Variants in GRIK2 observed in about 807,000 individuals in gnomAD.
GRIK2 encodes glutamate ionotropic receptor kainate type subunit 2.
Under a neutral mutation model 100.3 loss-of-function variants are expected in GRIK2, and 32 were observed. That is an observed-to-expected ratio of 0.32 (90% CI 0.24 to 0.43). The LOEUF (loss-of-function observed/expected upper bound fraction) is 0.43, where lower values mean the gene tolerates loss of function less well. Among genes scored for constraint, GRIK2 ranks in the 20% least tolerant of loss-of-function variants. The probability of loss-of-function intolerance (pLI) is 1.00; values close to 1 mark genes in which losing one functional copy is unlikely to be tolerated. For synonymous variants in GRIK2, 417 were observed against 389.4 expected, an observed-to-expected ratio of 1.07 and a Z score of -0.83; for missense variants, 843 against 1,114.9, an observed-to-expected ratio of 0.76 and a Z score of 3.47.
chr6:101,829,717 A>G (rs1782557005), intron 10 of GRIK2, among the ~76,000 whole-genome samples: 1 of 151,924 alleles, frequency 6.6e-6, no homozygotes, highest in African/African-American at 2.4e-5. Context: ...GAGGAGCACT[A>G]AAGACAAAAC....
intron 2 of GRIK2, among the ~76,000 whole-genome samples, chr6:101,490,531 C>A (rs1313104308): frequency 1.0e-4 from 15 of 146,668 alleles, no homozygotes; most frequent in Admixed American, 1.0e-3. Flanking sequence ...GGGACTTTAG[C>A]TTCACTCAGA....
rs553612858 is a variant in GRIK2 at position 102,068,891 on chromosome 6, T to C, written c.*380T>C. 1.2e-5 allele frequency: 2 copies of C among 172,656 alleles called. No individual in the cohort carries two copies. The highest frequency in any genetic ancestry group is 3.3e-4 in the East Asian group (2 of 5,990). 10.7% of individuals were successfully genotyped at this position (172,656 alleles called of 1,614,324 possible). On this transcript the variant is annotated 3_prime_UTR_variant, in exon 17 of 17. Transcript: ENST00000369134. ...ACAGGGCAACCAATAAAAGTGTCACTAAGAATATAAATATTTGGAATCAGC... is the reference window on the plus strand; with the variant it reads ...ACAGGGCAACCAATAAAAGTGTCACCAAGAATATAAATATTTGGAATCAGC...
chr6:101,961,752 A>T (rs1227344738), intron 14 of GRIK2, among the ~76,000 whole-genome samples: 1 of 152,040 alleles, frequency 6.6e-6, no homozygotes, highest in Non-Finnish European at 1.5e-5. Context: ...GCTCACCCTG[A>T]ACGTTAGAAT....
chr6:101,966,937 T>A (rs1792715615), intron 14 of GRIK2, among the ~76,000 whole-genome samples: 1 of 152,064 alleles, frequency 6.6e-6, no homozygotes, highest in Non-Finnish European at 1.5e-5. Context: ...TATAGTGTTT[T>A]ATTGTGATAT....
At chr6:101,434,448 A>G (rs1769601936) in intron 2 of GRIK2, among the ~76,000 whole-genome samples, 1 of 152,150 alleles carries the variant, frequency 6.6e-6, no homozygotes. Context: ...GATTCAGTGA[A>G]CAGAATTTCT....
At chr6:101,425,357 C>A (rs1306064834) in intron 2 of GRIK2, among the ~76,000 whole-genome samples, 2 of 152,106 alleles carry the variant, frequency 1.3e-5, no homozygotes, top group African/African-American at 2.4e-5. Flanking sequence ...CTACTGTTGA[C>A]TAGCACTCTG....
At chr6:101,420,526 G>A (rs1776363427) in intron 2 of GRIK2, among the ~76,000 whole-genome samples, 1 of 152,134 alleles carries the variant, frequency 6.6e-6, no homozygotes, top group Non-Finnish European at 1.5e-5. Flanking sequence ...CAGGGAAGTT[G>A]TTAGATATAC....
At chr6:101,723,675 A>C (rs1357860819) in intron 7 of GRIK2, among the ~76,000 whole-genome samples, 2 of 152,034 alleles carry the variant, frequency 1.3e-5, no homozygotes, top group Non-Finnish European at 2.9e-5. Context: ...AAACTGGTTA[A>C]TGAATAAATA....
At chr6:101,499,587 A>G (rs1450524910) in intron 2 of GRIK2, among the ~76,000 whole-genome samples, 10 of 152,056 alleles carry the variant, frequency 6.6e-5, no homozygotes, top group African/African-American at 2.4e-4. Context: ...TTCCTTTTGG[A>G]GAAAGTTAAG....
At position 101,664,617 on chromosome 6, in the gene GRIK2, CT is replaced by C. The variant is rs930133368; in HGVS notation, c.542-11999del. 4.1e-4 allele frequency among the ~76,000 whole-genome samples: 62 copies of C among 152,298 alleles called. 1 individual carries two copies. Among genetic ancestry groups the C allele is most frequent in the African/African-American group, 1.5e-3 (62 of 41,568 alleles). The stretch of plus-strand genomic sequence containing the variant: ...TTACTTTTTGATAATGGCATAATTG[CT>C]TTTTTTCATATCAGTGAAAGCAGAA... On this transcript the variant is annotated intron_variant, in intron 4 of 16. Coordinates refer to ENST00000369134, the MANE Select transcript of GRIK2 (RefSeq NM_021956.5).
At chr6:101,441,294 C>G (rs920337152) in intron 2 of GRIK2, among the ~76,000 whole-genome samples, 2 of 152,058 alleles carry the variant, frequency 1.3e-5, no homozygotes, top group African/African-American at 4.8e-5. Flanking sequence ...AGGGAATAGG[C>G]CCTACCAGAC....
chr6:101,757,260 CAAAT>C (rs1051084171), intron 7 of GRIK2, among the ~76,000 whole-genome samples: 3 of 151,974 alleles, frequency 2.0e-5, no homozygotes, highest in Non-Finnish European at 2.9e-5. Context: ...AACCATTTTA[CAAAT>C]AAATCAATTA....
chr6:101,925,279 C>CA (rs1789815222), intron 13 of GRIK2, among the ~76,000 whole-genome samples: 1 of 151,900 alleles, frequency 6.6e-6, no homozygotes, highest in Non-Finnish European at 1.5e-5. Flanking sequence ...GAAGTGCATG[C>CA]AAAAATACTT....
rs144015577 is a variant in GRIK2, at chr6:101,487,599, C to T, written c.115+88207C>T. 2.0e-3 allele frequency among the ~76,000 whole-genome samples: 292 copies of T among 146,862 alleles called. 39 individuals are homozygous for T. Among genetic ancestry groups the T allele is most frequent in the African/African-American group, 6.8e-3 (265 of 38,714 alleles). Reference sequence around the variant, plus strand: ...AACAAACTACTGGAAAAACACAGTGCGACTTGCATATACAGTAGTACACAA... The same window carrying T: ...AACAAACTACTGGAAAAACACAGTGTGACTTGCATATACAGTAGTACACAA... On this transcript the variant is annotated intron_variant, in intron 2 of 16. Coordinates refer to ENST00000369134, the MANE Select transcript of GRIK2 (RefSeq NM_021956.5).
chr6:102,020,083 G>C (rs1481621713), intron 14 of GRIK2, among the ~76,000 whole-genome samples: 1 of 151,918 alleles, frequency 6.6e-6, no homozygotes, highest in Non-Finnish European at 1.5e-5. Context: ...AAATAATGTA[G>C]AGTCCTTACA....
At chr6:102,053,701 AGATG>A (rs1291063061) in intron 15 of GRIK2, among the ~76,000 whole-genome samples, 14 of 152,090 alleles carry the variant, frequency 9.2e-5, no homozygotes, top group Non-Finnish European at 1.8e-4. Flanking sequence ...TATATCTGTT[AGATG>A]GATGGATGGA....
chr6:101,716,686 A>T (rs1315366791), intron 7 of GRIK2, among the ~76,000 whole-genome samples: 1 of 151,622 alleles, frequency 6.6e-6, no homozygotes. Context: ...CCAACATGGC[A>T]CATGTATACA....
intron 2 of GRIK2, among the ~76,000 whole-genome samples, chr6:101,501,813 C>A (rs1429695804): frequency 6.6e-6 from 1 of 151,952 alleles, no homozygotes; most frequent in Non-Finnish European, 1.5e-5. Context: ...GCTGGAGTGC[C>A]CTGGCTTGAT....
At chr6:101,621,908 A>C (rs1409799055) in intron 2 of GRIK2, 41 bp from the exon 3 acceptor site, 2 of 1,392,786 alleles carry the variant, frequency 1.4e-6, no homozygotes. Context: ...AATTATGTTT[A>C]TTCTTGTAAA....
Sources: gnomAD v4.1 joint callset for allele counts (sites outside exome capture counted in the v4.1 genomes callset) on GRCh38, gnomAD v4.1.1 for gene constraint, MANE v1.5 for transcripts, NCBI Gene and HGNC (gene_info 2026-07-23, HGNC 2026-07-21) for gene names.